Variants in CLIC4 observed in about 807,000 individuals in gnomAD.
CLIC4 encodes the protein CLIC family member 4.
In CLIC4, 13 loss-of-function variants were observed where a neutral mutation model predicts 24.6. That is an observed-to-expected ratio of 0.53 (90% CI 0.34 to 0.84). The LOEUF is 0.84. Among genes scored for constraint, CLIC4 ranks in the 40% least tolerant of loss-of-function variants. CLIC4 has a pLI of 0.01. For synonymous variants in CLIC4, 104 were observed against 111.3 expected, an observed-to-expected ratio of 0.93 and a Z score of 0.41; for missense variants, 227 against 301.7, an observed-to-expected ratio of 0.75 and a Z score of 1.83.
intron 2 of CLIC4, among the ~76,000 whole-genome samples, chr1:24,803,623 G>GA (rs913124872): frequency 4.6e-5 from 7 of 151,760 alleles, no homozygotes; most frequent in African/African-American, 1.7e-4. Flanking sequence ...CGTTTAGATA[G>GA]AAAAAAAAGG....
chr1:24,755,883 G>A (rs1223993957), intron 1 of CLIC4, among the ~76,000 whole-genome samples: 1 of 151,744 alleles, frequency 6.6e-6, no homozygotes, highest in Non-Finnish European at 1.5e-5. Flanking sequence ...GTGCAGTGGT[G>A]CGATCTCGGC....
chr1:24,789,649 T>C (rs1287900225), intron 1 of CLIC4, among the ~76,000 whole-genome samples: 1 of 152,224 alleles, frequency 6.6e-6, no homozygotes, highest in East Asian at 1.9e-4. Flanking sequence ...CCCCTTCGTT[T>C]GGCTTTTGAA....
chr1:24,820,067 G>GTGTATATATATATATATATATATATA lies in CLIC4; in HGVS notation c.308+5849_308+5850insGTATATATATATATATATATATATAT, dbSNP rs1212033050. ...TACTTCAAAAAAAAAAAAAAAGTATGTATATATATATGTATATATATATAT... is the reference window on the plus strand; with the variant it reads ...TACTTCAAAAAAAAAAAAAAAGTATGTGTATATATATATATATATATATATATATATATATATGTATATATATATAT... On this transcript the variant is annotated intron_variant, in intron 3 of 5. Transcript: ENST00000374379. 1.3e-3 allele frequency among the ~76,000 whole-genome samples: 46 copies of GTGTATATATATATATATATATATATA among 36,466 alleles called. 10 individuals carry two copies. The highest frequency in any genetic ancestry group is 2.1e-3 in the Non-Finnish European group (41 of 19,194). 23.9% of individuals were successfully genotyped at this position (36,466 alleles called of 152,430 possible).
chr1:24,748,507 T>G (rs895937243), intron 1 of CLIC4, among the ~76,000 whole-genome samples: 25 of 142,962 alleles, frequency 1.7e-4, no homozygotes, highest in African/African-American at 2.3e-4. Flanking sequence ...TTGTTTTTTT[T>G]TTTTTTTTTT....
intron 1 of CLIC4, among the ~76,000 whole-genome samples, chr1:24,790,693 C>G (rs996868607): frequency 3.9e-5 from 6 of 152,180 alleles, no homozygotes; most frequent in African/African-American, 9.7e-5. Flanking sequence ...TAGGCCTCCT[C>G]TGACCCCATC....
intron 1 of CLIC4, among the ~76,000 whole-genome samples, chr1:24,767,153 G>T (rs1338907975): frequency 1.3e-5 from 2 of 152,056 alleles, no homozygotes; most frequent in East Asian, 3.9e-4. Flanking sequence ...GTGGCCCACG[G>T]ACCTCAGGTT....
At chr1:24,811,503 C>T (rs1254037641) in intron 2 of CLIC4, among the ~76,000 whole-genome samples, 3 of 151,668 alleles carry the variant, frequency 2.0e-5, no homozygotes, top group Non-Finnish European at 4.4e-5. Flanking sequence ...GACAGGGTCT[C>T]ACTCTGTTGC....
chr1:24,837,018 A>G (rs915815209), intron 4 of CLIC4, among the ~76,000 whole-genome samples: 35 of 152,322 alleles, frequency 2.3e-4, no homozygotes, highest in African/African-American at 6.7e-4. Flanking sequence ...CCAAAAGCCT[A>G]TATTAGAAAA....
chr1:24,777,180 G>A (rs1639151290), intron 1 of CLIC4, among the ~76,000 whole-genome samples: 1 of 152,100 alleles, frequency 6.6e-6, no homozygotes, highest in African/African-American at 2.4e-5. Context: ...GCCCATTTCC[G>A]TTAATTTTCT....
At chr1:24,773,554 A>C (rs1212178650) in intron 1 of CLIC4, among the ~76,000 whole-genome samples, 1 of 151,624 alleles carries the variant, frequency 6.6e-6, no homozygotes, top group African/African-American at 2.4e-5. Flanking sequence ...TATTTTTTAA[A>C]AATGAGGGCT....
chr1:24,837,293 T>G (rs1266082849), intron 4 of CLIC4, among the ~76,000 whole-genome samples: 1 of 152,134 alleles, frequency 6.6e-6, no homozygotes, highest in East Asian at 1.9e-4. Context: ...ATGAAAAAAT[T>G]TATGCTTATA....
At chr1:24,764,881 G>A (rs543990398) in intron 1 of CLIC4, among the ~76,000 whole-genome samples, 1 of 152,094 alleles carries the variant, frequency 6.6e-6, no homozygotes, top group Non-Finnish European at 1.5e-5. Flanking sequence ...GGTAAGTACA[G>A]AGACTACAAA....
chr1:24,798,700 T>G (rs1012559428), intron 2 of CLIC4, among the ~76,000 whole-genome samples: 1 of 151,482 alleles, frequency 6.6e-6, no homozygotes, highest in Non-Finnish European at 1.5e-5. Context: ...CTCCCTCTCA[T>G]GCGGAGCCGA....
At chr1:24,786,822 G>A (rs896130411) in intron 1 of CLIC4, among the ~76,000 whole-genome samples, 3 of 152,044 alleles carry the variant, frequency 2.0e-5, no homozygotes, top group Non-Finnish European at 4.4e-5. Flanking sequence ...GTTTCACCAT[G>A]TTAGCCAGGA....
intron 3 of CLIC4, among the ~76,000 whole-genome samples, chr1:24,825,851 C>G (rs1159111241): frequency 6.6e-6 from 1 of 152,198 alleles, no homozygotes; most frequent in Admixed American, 6.5e-5. Flanking sequence ...AAGACAATGT[C>G]TTCAAATAAA....
At chr1:24,795,280 A>G (rs1480978243) in intron 1 of CLIC4, among the ~76,000 whole-genome samples, 2 of 152,184 alleles carry the variant, frequency 1.3e-5, no homozygotes, top group Non-Finnish European at 2.9e-5. Flanking sequence ...CTACCTCATC[A>G]TTGCCATTCA....
At chr1:24,825,821 C>T (rs918960785) in intron 3 of CLIC4, among the ~76,000 whole-genome samples, 6 of 152,254 alleles carry the variant, frequency 3.9e-5, no homozygotes, top group African/African-American at 1.2e-4. Context: ...ACTTCCCCTT[C>T]GTTTTTAAAG....
At chr1:24,820,046 TC>T (rs201671910) in intron 3 of CLIC4, among the ~76,000 whole-genome samples, 1,974 of 73,514 alleles carry the variant, frequency 0.027, 217 homozygotes, top group African/African-American at 0.085. Flanking sequence ...CAGCCATACT[TC>T]AAAAAAAAAA....
chr1:24,839,842 CT>C lies in CLIC4; in HGVS notation c.416-11del, dbSNP rs763688973. On this transcript the variant is annotated splice_polypyrimidine_tract_variant and intron_variant, in intron 4 of 5. Coordinates refer to ENST00000374379, the MANE Select transcript of CLIC4 (RefSeq NM_013943.3). The stretch of plus-strand genomic sequence containing the variant: ...TTTCCTTCTTACAGTATTCTCATCT[CT>C]TTTTTTCCCCCCCAAGCACTGGAGA... 2.4e-4 allele frequency: 391 copies of C among 1,601,440 alleles called. 3 individuals are homozygous for C. In the Admixed American group the frequency reaches 5.9e-3, roughly 24 times the overall value.
Sources: gnomAD v4.1 joint callset for allele counts (sites outside exome capture counted in the v4.1 genomes callset) on GRCh38, gnomAD v4.1.1 for gene constraint, MANE v1.5 for transcripts, NCBI Gene and HGNC (gene_info 2026-07-23, HGNC 2026-07-21) for gene names.